The following AP3D1 variants were observed in gnomAD, a reference collection of about 807,000 sequenced individuals.
AP3D1 encodes AP-3 complex subunit delta-1.
In AP3D1, 51 loss-of-function variants were observed where a neutral mutation model predicts 147.6. The observed-to-expected ratio is 0.35, with a 90% confidence interval of 0.28 to 0.44. The LOEUF (loss-of-function observed/expected upper bound fraction) is 0.44. Among genes scored for constraint, AP3D1 ranks in the 20% least tolerant of loss-of-function variants. The pLI, the probability that AP3D1 is intolerant of heterozygous loss-of-function variation, is 1.00. For missense variants in AP3D1, 1,421 were observed against 1,624.2 expected, an observed-to-expected ratio of 0.87 and a Z score of 2.15; for synonymous variants, 760 against 663.0, an observed-to-expected ratio of 1.15 and a Z score of -2.25.
chr19:2,160,669 A>G (rs1434976926), intron 1 of AP3D1, among the ~76,000 whole-genome samples: 1 of 152,170 alleles, frequency 6.6e-6, no homozygotes. Flanking sequence ...TAGCCCGGAT[A>G]ACCTGTACTC....
chr19:2,101,913 AGGTG>A lies in AP3D1; in HGVS notation c.*256_*259del. On this transcript the variant is annotated 3_prime_UTR_variant, in exon 32 of 32. Coordinates refer to ENST00000643116, the MANE Select transcript of AP3D1 (RefSeq NM_001261826.3). ...CCAGCGCGGGGCAGGGCACAGACCC[AGGTG>A]GGGGAGTCCCTTGCTGGTTTGGGGG... 1 of 480,794 alleles carries A rather than the reference AGGTG, an allele frequency of 2.1e-6. No individual in the cohort carries two copies. The highest frequency in any genetic ancestry group is 3.8e-6 in the Non-Finnish European group (1 of 266,210). 29.8% of individuals were successfully genotyped at this position (480,794 alleles called of 1,614,324 possible). A position where few individuals can be genotyped will look rare whatever the true frequency, so the allele number is the denominator to read the frequency against.
chr19:2,129,266 G>A lies in AP3D1; in HGVS notation c.732+52C>T, dbSNP rs2018865473. ...CCGCAGGGAATGCCCCACACAGGGT[G>A]AGGGAATGCCCCACACAGGGTGAGG... On this transcript the variant is annotated intron_variant, in intron 7 of 31. Transcript: ENST00000643116. 9.4e-6 allele frequency: 15 copies of A among 1,597,378 alleles called. No individual in the cohort carries two copies. In the Admixed American group the frequency reaches 1.3e-4, roughly 14 times the overall value.
In AP3D1 at chr19:2,121,668, C is replaced by A; in HGVS notation, c.1101+66G>T. On this transcript the variant is annotated intron_variant, in intron 12 of 31. Transcript: ENST00000643116. ...TCCATGCATTCCACGTGGCTCTGCACCTGACACTTAATGTCCCTTAGAGAA... is the reference window on the plus strand; with the variant it reads ...TCCATGCATTCCACGTGGCTCTGCAACTGACACTTAATGTCCCTTAGAGAA... 6 of 1,519,466 alleles carry A rather than the reference C, an allele frequency of 3.9e-6. No individual in the cohort carries two copies. The South Asian group carries it at 6.6e-5, about 17-fold the overall frequency. The allele number at this position is 1,519,466 out of a possible 1,614,324, so 94.1% of individuals were successfully genotyped here.
intron 6 of AP3D1, among the ~76,000 whole-genome samples, chr19:2,129,804 A>C (rs1406417845): frequency 6.6e-6 from 1 of 152,232 alleles, no homozygotes; most frequent in Non-Finnish European, 1.5e-5. Flanking sequence ...ATCGGGGCTC[A>C]GGGAGTCTTC....
chr19:2,145,016 G>C (rs1186631357), intron 1 of AP3D1, among the ~76,000 whole-genome samples: 2 of 152,196 alleles, frequency 1.3e-5, no homozygotes, highest in Non-Finnish European at 2.9e-5. Context: ...GTATTGTGCT[G>C]AATCACTGCA....
intron 22 of AP3D1, 79 bp from the exon 23 acceptor site, chr19:2,113,492 A>G: frequency 1.2e-6 from 1 of 863,320 alleles, no homozygotes; most frequent in Non-Finnish European, 1.7e-6. Flanking sequence ...AGGGCCAAGG[A>G]GGCCCCAGCT....
At chr19:2,109,570 T>C (rs1599440942) in intron 29 of AP3D1, 1 of 495,272 alleles carries the variant, frequency 2.0e-6, no homozygotes, top group East Asian at 3.4e-5. Flanking sequence ...CGCCAAGCCG[T>C]GCCGAGGAGA....
intron 20 of AP3D1, 134 bp downstream of exon 20, chr19:2,115,085 C>T: frequency 3.1e-6 from 3 of 972,780 alleles, no homozygotes; most frequent in Non-Finnish European, 4.6e-6. Flanking sequence ...GGCCTCTCCT[C>T]CTATGCTCTC....
intron 1 of AP3D1, among the ~76,000 whole-genome samples, chr19:2,143,102 C>T (rs1467098012): frequency 2.0e-5 from 3 of 151,676 alleles, no homozygotes; most frequent in Admixed American, 6.6e-5. Flanking sequence ...CTCACTCTAT[C>T]GTCCAAGTTG....
At chr19:2,161,183 C>CA (rs2019694576) in intron 1 of AP3D1, among the ~76,000 whole-genome samples, 1 of 130,318 alleles carries the variant, frequency 7.7e-6, no homozygotes, top group Admixed American at 8.6e-5. Context: ...TTTTTTGAGA[C>CA]AGAGTCTTGC....
intron 1 of AP3D1, among the ~76,000 whole-genome samples, chr19:2,161,120 GTTTACAC>G (rs2019693409): frequency 6.7e-6 from 1 of 149,964 alleles, no homozygotes; most frequent in South Asian, 2.1e-4. Flanking sequence ...GGTCCTCCTG[GTTTACAC>G]TGTCTGGCCC....
chr19:2,164,529 G>A (rs1045813869), upstream of AP3D1: 3 of 291,146 alleles, frequency 1.0e-5, no homozygotes, highest in Admixed American at 5.2e-5. Context: ...CCCCCGCCGG[G>A]CTGTCCCGGG....
intron 1 of AP3D1, among the ~76,000 whole-genome samples, chr19:2,139,568 G>A (rs904375294): frequency 3.3e-5 from 5 of 152,192 alleles, no homozygotes; most frequent in African/African-American, 7.2e-5. Context: ...GAGACAAGCC[G>A]AGTCGATGCC....
intron 15 of AP3D1, 98 bp from the exon 16 acceptor site, chr19:2,117,465 G>T: frequency 7.5e-7 from 1 of 1,329,848 alleles, no homozygotes; most frequent in Non-Finnish European, 9.9e-7. Flanking sequence ...ACAGTGACGT[G>T]TGGGCCCCCT....
intron 1 of AP3D1, among the ~76,000 whole-genome samples, chr19:2,140,119 TA>T (rs757787103): frequency 7.9e-5 from 12 of 152,136 alleles, no homozygotes; most frequent in Non-Finnish European, 1.5e-4. Context: ...GGAGCAAGGA[TA>T]ACCCACTCCT....
At chr19:2,157,519 A>G (rs906775557) in intron 1 of AP3D1, among the ~76,000 whole-genome samples, 5 of 149,424 alleles carry the variant, frequency 3.3e-5, no homozygotes, top group African/African-American at 1.2e-4. Context: ...CCACCCATAC[A>G]GTAACCCATC....
At chr19:2,130,156 T>C (rs1033569069) in intron 6 of AP3D1, among the ~76,000 whole-genome samples, 1 of 151,636 alleles carries the variant, frequency 6.6e-6, no homozygotes, top group Admixed American at 6.6e-5. Context: ...CTGGCGGGGG[T>C]GGGTACACCT....
chr19:2,145,328 C>T (rs879415850), intron 1 of AP3D1, among the ~76,000 whole-genome samples: 5 of 152,178 alleles, frequency 3.3e-5, no homozygotes, highest in African/African-American at 1.2e-4. Context: ...ACCCGGGGTC[C>T]CCACATCCCT....
chr19:2,112,962 C>T lies in AP3D1; in HGVS notation c.2685G>A (p.Glu895=). The T allele has an allele frequency of 6.2e-7, 1 of 1,610,084 alleles. No homozygotes were observed. The highest frequency in any genetic ancestry group is 8.5e-7 in the Non-Finnish European group (1 of 1,178,590). Residue 895 remains glutamate, a synonymous_variant, in exon 24 of 32, where the codon GAG becomes GAA. Coordinates refer to ENST00000643116, the MANE Select transcript of AP3D1 (RefSeq NM_001261826.3). ...GGGTAGTGACAGTGTTCACACTGAG[C>T]TCCCCCTGCAGGGAGCCAGGGCTTG... ...PAPAPVPSTG[E]LSVNTVTTPK... is the part of the protein sequence containing the mutation.
Sources: allele counts gnomAD v4.1 joint callset (sites outside exome capture counted in the v4.1 genomes callset), GRCh38; gene constraint gnomAD v4.1.1; transcripts MANE v1.5; gene names NCBI Gene and HGNC (gene_info 2026-07-23, HGNC 2026-07-21).